Variants in ERN1 observed in about 807,000 individuals in gnomAD.
The protein encoded by ERN1 is serine/threonine-protein kinase/endoribonuclease IRE1.
ERN1 carries 39 observed loss-of-function variants against 113.1 expected under a neutral mutation model. The ratio of observed to expected loss-of-function variants is 0.34; its 90% CI spans 0.27 to 0.45. The LOEUF (loss-of-function observed/expected upper bound fraction) is 0.45, where lower values mean the gene tolerates loss of function less well. Ranked by LOEUF, ERN1 falls within the 20% of genes least tolerant of loss-of-function variation. ERN1 has a pLI of 1.00. For synonymous variants in ERN1, 507 were observed against 515.9 expected (o/e 0.98, Z 0.23); for missense variants, 976 against 1,274.8 (o/e 0.77, Z 3.57).
At chr17:64,094,334 G>A (rs62073081) in intron 2 of ERN1, among the ~76,000 whole-genome samples, 4 of 152,098 alleles carry the variant, frequency 2.6e-5, no homozygotes, top group South Asian at 2.1e-4. Context: ...GAGTGTCAGC[G>A]TGTGTCCGAG....
intron 3 of ERN1, 63 bp downstream of exon 3, chr17:64,080,712 A>G: frequency 6.6e-7 from 1 of 1,511,034 alleles, no homozygotes; most frequent in Non-Finnish European, 9.1e-7. Context: ...CTGGCCTCAT[A>G]AACACTGATT....
intron 1 of ERN1, among the ~76,000 whole-genome samples, chr17:64,117,639 G>A (rs1010533697): frequency 6.6e-6 from 1 of 152,106 alleles, no homozygotes; most frequent in African/African-American, 2.4e-5. Flanking sequence ...AACACTAAGT[G>A]ACGTGGTGCT....
At chr17:64,084,530 GAA>G (rs5821422) in intron 2 of ERN1, among the ~76,000 whole-genome samples, 5 of 149,872 alleles carry the variant, frequency 3.3e-5, no homozygotes, top group Non-Finnish European at 7.4e-5. Context: ...CATCAGTAAG[GAA>G]AAAAAAAATA....
chr17:64,083,497 G>A (rs1230660749), intron 2 of ERN1, among the ~76,000 whole-genome samples: 1 of 152,034 alleles, frequency 6.6e-6, no homozygotes, highest in African/African-American at 2.4e-5. Context: ...TATGGGGCCC[G>A]ATAAGAATAA....
Position 64,073,809 on chromosome 17 carries a change from T to A in ERN1, c.355+1366A>T, listed in dbSNP as rs527381399. Among the ~76,000 whole-genome samples the A allele has an allele frequency of 7.7e-4, 117 of 152,296 alleles. 1 individual carries two copies. The South Asian group carries it at 0.021, about 27-fold the overall frequency. On this transcript the variant is annotated intron_variant, in intron 5 of 21. Transcript: ENST00000433197. Reference sequence around the variant, plus strand: ...CCTGGCCTACACCTGGCTGATTTTTTAAAAATGTTTCTTCTGTAGAGACGG... The same window carrying A: ...CCTGGCCTACACCTGGCTGATTTTTAAAAAATGTTTCTTCTGTAGAGACGG...
rs1175280761 is a variant in ERN1, at chr17:64,063,760, T to G, written c.1087+226A>C. Among the ~76,000 whole-genome samples the G allele has an allele frequency of 6.6e-6, 1 of 152,226 alleles. No homozygotes were observed. Among genetic ancestry groups the G allele is most frequent in the Admixed American group, 6.5e-5 (1 of 15,282 alleles). On this transcript the variant is annotated intron_variant, in intron 10 of 21. Transcript: ENST00000433197. This position sits in a 1 kb window ranked among gnomAD's most constrained non-coding sequence, Gnocchi z 5.1. ...ACAAGGTTTACATTAATTTAGTACC[T>G]GAGTTTTGGAACATTAAACAGTTTT...
chr17:64,043,940 G>C lies in ERN1; in HGVS notation c.*48C>G. On this transcript the variant is annotated 3_prime_UTR_variant, in exon 22 of 22. Transcript: ENST00000433197. ...CATCAAGCTCTAATTGTGGTGACCA[G>C]GCCCTCAGTCACAGCTGGGGCCACC... 7.6e-7 allele frequency: 1 copy of C among 1,309,478 alleles called. No homozygotes were observed. The highest frequency in any genetic ancestry group is 1.1e-6 in the Non-Finnish European group (1 of 927,148). 81.1% of individuals were successfully genotyped at this position (1,309,478 alleles called of 1,614,324 possible).
intron 2 of ERN1, among the ~76,000 whole-genome samples, chr17:64,086,514 A>C (rs559261001): frequency 2.0e-5 from 3 of 151,834 alleles, no homozygotes; most frequent in African/African-American, 4.8e-5. Flanking sequence ...TTACCTATTT[A>C]CCTGCTGAGG....
At chr17:64,079,776 A>G (rs1327185379) in intron 3 of ERN1, 42 bp from the exon 4 acceptor site, 1 of 1,533,080 alleles carries the variant, frequency 6.5e-7, no homozygotes, top group South Asian at 1.2e-5. Flanking sequence ...ATTACAGCCC[A>G]GGGCATGGAA....
chr17:64,078,148 C>T (rs1913656660), intron 4 of ERN1, among the ~76,000 whole-genome samples: 1 of 152,208 alleles, frequency 6.6e-6, no homozygotes, highest in African/African-American at 2.4e-5. Context: ...GCACTTCCGC[C>T]AGCAGTAGGT....
At chr17:64,069,233 T>G (rs971721187) in intron 6 of ERN1, among the ~76,000 whole-genome samples, 2 of 152,182 alleles carry the variant, frequency 1.3e-5, no homozygotes, top group African/African-American at 4.8e-5. Context: ...GTTGTCCCAT[T>G]GCACTCACAT....
intron 19 of ERN1, among the ~76,000 whole-genome samples, chr17:64,047,305 T>G (rs771955680): frequency 4.2e-4 from 64 of 152,196 alleles, no homozygotes; most frequent in Non-Finnish European, 6.0e-4. Flanking sequence ...GAGGTTGCAG[T>G]GAGCCAAGAT....
intron 1 of ERN1, among the ~76,000 whole-genome samples, chr17:64,112,260 C>T (rs562363810): frequency 2.6e-5 from 4 of 151,620 alleles, no homozygotes; most frequent in African/African-American, 4.8e-5. Flanking sequence ...CCCAGCTCCT[C>T]GAGTGGGTGA....
At chr17:64,084,870 T>C (rs1913876072) in intron 2 of ERN1, among the ~76,000 whole-genome samples, 1 of 152,210 alleles carries the variant, frequency 6.6e-6, no homozygotes, top group African/African-American at 2.4e-5. Flanking sequence ...CTCAGGACCT[T>C]TGCACTGGCT....
intron 1 of ERN1, among the ~76,000 whole-genome samples, chr17:64,127,793 G>C (rs1447447267): frequency 6.6e-6 from 1 of 151,086 alleles, no homozygotes; most frequent in Non-Finnish European, 1.5e-5. Context: ...AGTAGTAGTA[G>C]TAAAAGAATA....
At chr17:64,127,916 G>A (rs1194994829) in intron 1 of ERN1, among the ~76,000 whole-genome samples, 1 of 151,902 alleles carries the variant, frequency 6.6e-6, no homozygotes, top group Non-Finnish European at 1.5e-5. Context: ...TTTGCTATGA[G>A]TTTCATTTAC....
rs779687545 is a variant in ERN1 at position 64,112,367 on chromosome 17, CAAA to C, written c.55-14129_55-14127del. ...TGGGCGACAGACCGAGACTCTGTCT[CAAA>C]AAAAAAAAAAAAGAAGAAGAAGAAG... On this transcript the variant is annotated intron_variant, in intron 1 of 21. Transcript: ENST00000433197. Among the ~76,000 whole-genome samples the C allele has an allele frequency of 5.4e-4, 48 of 88,336 alleles. 1 individual carries two copies. The highest frequency in any genetic ancestry group is 5.2e-3 in the Admixed American group (41 of 7,818). The allele number at this position is 88,336 out of a possible 152,430, so 58.0% of individuals were successfully genotyped here. A position where few individuals can be genotyped will look rare whatever the true frequency, so the allele number is the denominator to read the frequency against.
At chr17:64,094,385 CTAT>C (rs1030024552) in intron 2 of ERN1, among the ~76,000 whole-genome samples, 3 of 152,092 alleles carry the variant, frequency 2.0e-5, no homozygotes, top group African/African-American at 7.2e-5. Flanking sequence ...AAATACTTTC[CTAT>C]TATTTGTTTT....
chr17:64,076,066 AG>A (rs775642260), intron 4 of ERN1, among the ~76,000 whole-genome samples: 1 of 152,266 alleles, frequency 6.6e-6, no homozygotes, highest in Non-Finnish European at 1.5e-5. Context: ...AAGTTAAGAT[AG>A]GTGCCAGGAA....
Sources: allele counts gnomAD v4.1 joint callset (sites outside exome capture counted in the v4.1 genomes callset), GRCh38; gene constraint gnomAD v4.1.1; non-coding constraint Gnocchi (gnomAD v3.1); transcripts MANE v1.5; gene names NCBI Gene and HGNC (gene_info 2026-07-23, HGNC 2026-07-21).